The following SLC9D1 variants were observed in gnomAD, a reference collection of about 807,000 sequenced individuals.
The protein encoded by SLC9D1 is solute carrier family 9 member D1, also known as putative LAG1-interacting protein.
chr13:113,503,723 G>A, the SLC9D1 span: 1 of 577,534 alleles, frequency 1.7e-6, no homozygotes, highest in East Asian at 2.9e-5. Flanking sequence ...TCGGTTTGAT[G>A]TTATTTTTGG....
the SLC9D1 span, chr13:113,501,960 A>G: frequency 1.1e-5 from 13 of 1,153,720 alleles, no homozygotes; most frequent in Admixed American, 1.9e-5. Flanking sequence ...AAAGTATTGA[A>G]TGTGATTAAT....
the SLC9D1 span, chr13:113,536,639 G>A: frequency 2.1e-6 from 2 of 944,202 alleles, no homozygotes; most frequent in African/African-American, 1.8e-5. Context: ...AGGTTTTCTC[G>A]CTCTCTGGGC....
chr13:113,524,089 T>A, the SLC9D1 span: 1 of 455,702 alleles, frequency 2.2e-6, no homozygotes, highest in Non-Finnish European at 4.4e-6. Context: ...GTGTATTCTG[T>A]TATTGTTGAG....
the SLC9D1 span, among the ~76,000 whole-genome samples, chr13:113,543,149 C>CG: frequency 6.2e-5 from 5 of 80,154 alleles, no homozygotes; most frequent in African/African-American, 2.2e-4. Context: ...CCTCCCCGTG[C>CG]CCCCCGCCCT....
the SLC9D1 span, among the ~76,000 whole-genome samples, chr13:113,540,400 T>A: frequency 6.6e-6 from 1 of 152,248 alleles, no homozygotes; most frequent in Non-Finnish European, 1.5e-5. Flanking sequence ...CCAGCGTCTG[T>A]TGCCTTTTGA....
chr13:113,501,453 C>G, the SLC9D1 span, among the ~76,000 whole-genome samples: 1 of 152,130 alleles, frequency 6.6e-6, no homozygotes, highest in Non-Finnish European at 1.5e-5. Flanking sequence ...CTTGAGCATC[C>G]GAGGATTCTG....
At chr13:113,502,740 G>A in the SLC9D1 span, among the ~76,000 whole-genome samples, 3 of 152,210 alleles carry the variant, frequency 2.0e-5, no homozygotes, top group Non-Finnish European at 2.9e-5. Context: ...GGAGGGAGGC[G>A]TGCCAGGGGG....
At chr13:113,497,604 A>AGCTGTGTGAGACCTG in the SLC9D1 span, among the ~76,000 whole-genome samples, 506 of 96,486 alleles carry the variant, frequency 5.2e-3, 14 homozygotes, top group African/African-American at 0.026. Context: ...TGTGAGACCT[A>AGCTGTGTGAGACCTG]CAGCTGTGTG....
chr13:113,546,498 C>CGTGGCAAGAGAACCCT, the SLC9D1 span, among the ~76,000 whole-genome samples: 1 of 151,960 alleles, frequency 6.6e-6, no homozygotes, highest in African/African-American at 2.4e-5. This position sits in a 1 kb window ranked among gnomAD's most constrained non-coding sequence, Gnocchi z 7.1. Context: ...AAGAGAACCC[C>CGTGGCAAGAGAACCCT]GGGTCGTGGC....
the SLC9D1 span, among the ~76,000 whole-genome samples, chr13:113,525,177 G>A: frequency 9.9e-5 from 15 of 152,088 alleles, no homozygotes; most frequent in South Asian, 1.2e-3. Flanking sequence ...AAATAGTCAC[G>A]CGCTGCATAA....
the SLC9D1 span, chr13:113,539,414 G>A: frequency 8.4e-5 from 135 of 1,613,376 alleles, 1 homozygote; most frequent in Middle Eastern, 1.6e-4. This position sits in a 1 kb window ranked among gnomAD's most constrained non-coding sequence, Gnocchi z 4.8. Flanking sequence ...TGGAGCGCTC[G>A]TCTCCTCTCA....
chr13:113,517,505 T>G, the SLC9D1 span, among the ~76,000 whole-genome samples: 12 of 152,122 alleles, frequency 7.9e-5, no homozygotes, highest in Non-Finnish European at 1.5e-4. Flanking sequence ...TGGGATTACA[T>G]GCAGCCATTT....
At chr13:113,499,551 A>G in the SLC9D1 span, among the ~76,000 whole-genome samples, 1 of 152,202 alleles carries the variant, frequency 6.6e-6, no homozygotes, top group Non-Finnish European at 1.5e-5. Flanking sequence ...AGATTCTAAG[A>G]AAAAAAGTGG....
the SLC9D1 span, among the ~76,000 whole-genome samples, chr13:113,514,673 G>A: frequency 6.7e-6 from 1 of 149,388 alleles, no homozygotes; most frequent in Non-Finnish European, 1.5e-5. Flanking sequence ...GCTAGTATTC[G>A]GGGTGCAGGC....
chr13:113,548,550 G>A, the SLC9D1 span: 5 of 1,363,524 alleles, frequency 3.7e-6, no homozygotes, highest in Non-Finnish European at 3.0e-6. Context: ...GCACAGCGGG[G>A]CCTGGGGGCA....
the SLC9D1 span, among the ~76,000 whole-genome samples, chr13:113,538,410 C>T: frequency 3.9e-5 from 6 of 152,210 alleles, no homozygotes; most frequent in Non-Finnish European, 7.3e-5. Context: ...GTGCTAGGGT[C>T]GTCTTGGCTC....
chr13:113,529,519 A>T, the SLC9D1 span: 2 of 152,296 alleles, frequency 1.3e-5, no homozygotes, highest in African/African-American at 4.8e-5. Context: ...GCATGGTGGC[A>T]CGTGCCTGTA....
chr13:113,540,952 A>G, the SLC9D1 span, among the ~76,000 whole-genome samples: 3 of 152,132 alleles, frequency 2.0e-5, no homozygotes, highest in African/African-American at 7.2e-5. Context: ...CGATCCCAGC[A>G]CTGTTTGTTG....
At chr13:113,510,489 C>T in the SLC9D1 span, 4 of 1,507,838 alleles carry the variant, frequency 2.7e-6, no homozygotes, top group Non-Finnish European at 3.6e-6. Flanking sequence ...CTTTTGGATT[C>T]ACAGTTGAGG....
Sources: allele counts gnomAD v4.1 joint callset (sites outside exome capture counted in the v4.1 genomes callset), GRCh38; gene constraint gnomAD v4.1.1; non-coding constraint Gnocchi (gnomAD v3.1); transcripts MANE v1.5; gene names NCBI Gene and HGNC (gene_info 2026-07-23, HGNC 2026-07-21).